The following UHRF2 variants were observed in gnomAD, a reference collection of about 807,000 sequenced individuals.
UHRF2 encodes ubiquitin like with PHD and ring finger domains 2, also known as E3 ubiquitin-protein ligase UHRF2.
UHRF2 carries 23 observed loss-of-function variants against 96.8 expected under a neutral mutation model. The ratio of observed to expected loss-of-function variants is 0.24; its 90% CI spans 0.17 to 0.34. The LOEUF is 0.34. UHRF2 is among the 10% of genes least tolerant of loss of function. UHRF2 has a pLI of 1.00. For missense variants in UHRF2, 685 were observed against 981.5 expected, an observed-to-expected ratio of 0.70 and a Z score of 4.04; for synonymous variants, 385 against 332.6, an observed-to-expected ratio of 1.16 and a Z score of -1.72.
chr9:6,451,773 T>TTTGTTGTTGTTGCTG (rs1554625820), intron 3 of UHRF2, among the ~76,000 whole-genome samples: 31 of 148,918 alleles, frequency 2.1e-4, no homozygotes, highest in Non-Finnish European at 3.4e-4. Context: ...GCCCGGCCTG[T>TTTGTTGTTGTTGCTG]TTGTTGTTGT....
intron 3 of UHRF2, among the ~76,000 whole-genome samples, chr9:6,446,195 G>C (rs551652433): frequency 1.3e-5 from 2 of 151,138 alleles, no homozygotes; most frequent in Non-Finnish European, 2.9e-5. Flanking sequence ...TCTGTCACCA[G>C]GCTGAAGTGC....
intron 1 of UHRF2, chr9:6,415,629 G>A (rs183653879): frequency 1.3e-5 from 2 of 152,206 alleles, no homozygotes; most frequent in Non-Finnish European, 2.9e-5. Context: ...CTGCCACGTA[G>A]TGAAAAATGT....
At position 6,491,339 on chromosome 9, in the gene UHRF2, G is replaced by C. The variant is rs936214781; in HGVS notation, c.1498-2487G>C. On this transcript the variant is annotated intron_variant, in intron 9 of 15. Coordinates refer to ENST00000276893, the MANE Select transcript of UHRF2 (RefSeq NM_152896.3). ...AAAATAAGATTTATAGCACTTAAAG[G>C]CTTGCTGTGAGGTTTAAATGAATTA... Among the ~76,000 whole-genome samples the C allele has an allele frequency of 2.0e-5, 3 of 152,288 alleles. No individual in the cohort carries two copies. In the South Asian group the frequency reaches 6.2e-4, roughly 32 times the overall value.
chr9:6,494,742 G>A (rs1461660723), intron 10 of UHRF2: 1 of 152,132 alleles, frequency 6.6e-6, no homozygotes, highest in Non-Finnish European at 1.5e-5. Context: ...TTGAGTAAAA[G>A]TGAGTGTTTT....
intron 3 of UHRF2, among the ~76,000 whole-genome samples, chr9:6,440,565 A>G (rs1286363887): frequency 1.3e-5 from 2 of 152,208 alleles, no homozygotes; most frequent in South Asian, 2.1e-4. Flanking sequence ...TGAGCTGAAG[A>G]CTTGCTTTAG....
intron 3 of UHRF2, among the ~76,000 whole-genome samples, chr9:6,453,660 T>C (rs893967786): frequency 5.9e-5 from 9 of 152,106 alleles, no homozygotes; most frequent in Non-Finnish European, 1.2e-4. Flanking sequence ...CATTAAAAAA[T>C]GGGATTGGCC....
chr9:6,456,081 G>A (rs13285152), intron 3 of UHRF2, among the ~76,000 whole-genome samples: 4,807 of 152,266 alleles, frequency 0.032, 127 homozygotes, highest in Middle Eastern at 0.061. Context: ...GGAAATATAC[G>A]TACAGCCAAG....
Position 6,434,110 on chromosome 9 carries a change from C to G in UHRF2, c.581C>G (p.Ser194Cys). ...ACAAATAAATTGGACAGTGTACCCTCTACGTCTAATTCAGACTGTGTTGCT... is the reference window on the plus strand; with the variant it reads ...ACAAATAAATTGGACAGTGTACCCTGTACGTCTAATTCAGACTGTGTTGCT... ...ENTNKLDSVP[S>C]TSNSDCVAAD... Residue 194 changes from serine to cysteine, a missense_variant, in exon 3 of 16, where the codon TCT becomes TGT. Ser to Cys is a moderately radical substitution (Grantham distance 112). Transcript: ENST00000276893. 6.2e-7 allele frequency: 1 copy of G among 1,614,138 alleles called. No homozygotes were observed. The highest frequency in any genetic ancestry group is 8.5e-7 in the Non-Finnish European group (1 of 1,180,030).
intron 13 of UHRF2, 148 bp from the exon 14 acceptor site, chr9:6,500,404 A>C (rs1816224744): frequency 1.9e-5 from 12 of 628,102 alleles, no homozygotes; most frequent in Non-Finnish European, 3.1e-5. Context: ...AGGAAATAAC[A>C]GTATCCTAAA....
chr9:6,470,289 C>G (rs1823166092), intron 4 of UHRF2, among the ~76,000 whole-genome samples: 1 of 151,024 alleles, frequency 6.6e-6, no homozygotes, highest in South Asian at 2.1e-4. Context: ...AGGAGAACTG[C>G]TTGATCCTGG....
Position 6,435,777 on chromosome 9 carries a change from C to A in UHRF2, c.644+1604C>A, listed in dbSNP as rs890314954. Among the ~76,000 whole-genome samples the A allele has an allele frequency of 2.6e-5, 4 of 151,930 alleles. No homozygotes were observed. In the East Asian group the frequency reaches 7.8e-4, roughly 30 times the overall value. On this transcript the variant is annotated intron_variant, in intron 3 of 15. Transcript: ENST00000276893. ...TGCTTGGTACCACACCAGGCTAATT[C>A]TTCTATTTTTTAGTAGAGACAGGGT...
Position 6,444,288 on chromosome 9 carries a change from TCTAA to T in UHRF2, c.644+10118_644+10121del, listed in dbSNP as rs369957591. ...TTTACCAAAGACTTAGAGTATTTCCTCTAACTGTCTATGACTTGTAGGCTCCTGA... is the reference window on the plus strand; with the variant it reads ...TTTACCAAAGACTTAGAGTATTTCCTCTGTCTATGACTTGTAGGCTCCTGA... On this transcript the variant is annotated intron_variant, in intron 3 of 15. Coordinates refer to ENST00000276893, the MANE Select transcript of UHRF2 (RefSeq NM_152896.3). 1.3e-3 allele frequency among the ~76,000 whole-genome samples: 199 copies of T among 152,336 alleles called. 1 individual carries two copies. Among genetic ancestry groups the T allele is most frequent in the Admixed American group, 3.0e-3 (46 of 15,304 alleles).
At chr9:6,504,505 A>G in intron 14 of UHRF2, 88 bp from the exon 15 acceptor site, 2 of 761,992 alleles carry the variant, frequency 2.6e-6, no homozygotes, top group Non-Finnish European at 4.3e-6. Flanking sequence ...ATTCTCTACT[A>G]GCTGTTTTGA....
chr9:6,435,574 TC>T (rs1820795663), intron 3 of UHRF2, among the ~76,000 whole-genome samples: 1 of 152,086 alleles, frequency 6.6e-6, no homozygotes, highest in African/African-American at 2.4e-5. Context: ...TATCAGTCAC[TC>T]CCCAGTCCCA....
At chr9:6,468,650 A>G (rs1162150903) in intron 4 of UHRF2, 3 of 455,902 alleles carry the variant, frequency 6.6e-6, no homozygotes, top group Non-Finnish European at 1.3e-5. Context: ...GCCTGCTTTC[A>G]CCTTTGGGCT....
At chr9:6,448,607 T>A (rs567344894) in intron 3 of UHRF2, among the ~76,000 whole-genome samples, 2 of 152,324 alleles carry the variant, frequency 1.3e-5, no homozygotes, top group South Asian at 4.1e-4. Flanking sequence ...TGCTGTGTGT[T>A]AGTAATTATA....
At chr9:6,502,295 G>C (rs961802196) in intron 14 of UHRF2, among the ~76,000 whole-genome samples, 1 of 152,174 alleles carries the variant, frequency 6.6e-6, no homozygotes, top group South Asian at 2.1e-4. Flanking sequence ...AAACATGCTC[G>C]ACGTCTTGAT....
At chr9:6,477,456 G>T (rs1347992035) in intron 5 of UHRF2, among the ~76,000 whole-genome samples, 166 bp from the exon 6 acceptor site, 1 of 151,956 alleles carries the variant, frequency 6.6e-6, no homozygotes, top group African/African-American at 2.4e-5. Context: ...AACCCGGGAG[G>T]CAGAGGCTGC....
intron 1 of UHRF2, chr9:6,415,566 G>A (rs1173845004): frequency 6.6e-6 from 1 of 152,184 alleles, no homozygotes; most frequent in Non-Finnish European, 1.5e-5. Context: ...TCCCCGTCCT[G>A]TAAAATACCA....
Sources: gnomAD v4.1 joint callset for allele counts (sites outside exome capture counted in the v4.1 genomes callset) on GRCh38, gnomAD v4.1.1 for gene constraint, MANE v1.5 for transcripts, NCBI Gene and HGNC (gene_info 2026-07-23, HGNC 2026-07-21) for gene names.